Variants in CHRM3 observed in about 807,000 individuals in gnomAD.
The protein encoded by CHRM3 is muscarinic acetylcholine receptor M3.
CHRM3 carries 11 observed loss-of-function variants against 41.8 expected under a neutral mutation model. That is an observed-to-expected ratio of 0.26 (90% CI 0.17 to 0.44). The LOEUF (loss-of-function observed/expected upper bound fraction) is 0.44, where lower values mean the gene tolerates loss of function less well. Ranked by LOEUF, CHRM3 falls within the 20% of genes least tolerant of loss-of-function variation. The pLI is 1.00. For missense variants in CHRM3, 571 were observed against 745.4 expected, an observed-to-expected ratio of 0.77 and a Z score of 2.72; for synonymous variants, 297 against 301.4, an observed-to-expected ratio of 0.99 and a Z score of 0.15.
chr1:239,888,354 G>T (rs184391585), intron 6 of CHRM3, among the ~76,000 whole-genome samples: 2 of 150,420 alleles, frequency 1.3e-5, no homozygotes, highest in African/African-American at 4.9e-5. Context: ...CAGCCTGAGC[G>T]AGAGACTCTG....
At chr1:239,804,906 T>A (rs560717653) in intron 5 of CHRM3, among the ~76,000 whole-genome samples, 1 of 152,340 alleles carries the variant, frequency 6.6e-6, no homozygotes, top group East Asian at 1.9e-4. Context: ...TTCGCTTTTA[T>A]CACTTCCTGG....
intron 5 of CHRM3, among the ~76,000 whole-genome samples, chr1:239,775,641 G>T (rs1213155457): frequency 1.3e-5 from 2 of 152,200 alleles, no homozygotes; most frequent in East Asian, 3.8e-4. Context: ...ATTTTAGGCG[G>T]CCTGGTGGAA....
rs375780348 is a variant in CHRM3, at chr1:239,908,209, G to A, written c.758G>A (p.Arg253Lys). 3 of 1,614,054 alleles carry A rather than the reference G, an allele frequency of 1.9e-6. No individual in the cohort carries two copies. Among genetic ancestry groups the A allele is most frequent in the South Asian group, 1.1e-5 (1 of 91,086 alleles). Residue 253 changes from arginine (R) to lysine (K), a missense_variant, in exon 7 of 7, where the codon AGG (arginine) becomes AAG (lysine). Arg to Lys is a conservative substitution (Grantham distance 26). Transcript: ENST00000676153. This position sits in a 1 kb window ranked among gnomAD's most constrained non-coding sequence, Gnocchi z 7.2. ...ACCATTATGACTATTTTATACTGGA[G>A]GATCTATAAGGAAACTGAAAAGCGT... is the stretch of plus-strand genomic sequence containing the variant. Reference protein sequence around the residue: ...PVTIMTILYWRIYKETEKRTK... With the variant: ...PVTIMTILYWKIYKETEKRTK...
At chr1:239,864,542 A>ACACG (rs762557771) in intron 6 of CHRM3, among the ~76,000 whole-genome samples, 1 of 139,962 alleles carries the variant, frequency 7.1e-6, no homozygotes, top group Non-Finnish European at 1.5e-5. Flanking sequence ...ACACACACAC[A>ACACG]CACGCACACA....
chr1:239,574,582 T>C (rs1558331329), intron 3 of CHRM3, among the ~76,000 whole-genome samples: 1 of 152,146 alleles, frequency 6.6e-6, no homozygotes, highest in Non-Finnish European at 1.5e-5. Context: ...CATCCAGGCA[T>C]TCTTGGCATA....
intron 6 of CHRM3, among the ~76,000 whole-genome samples, chr1:239,874,326 T>TATATATATATATATACAC (rs1327295792): frequency 8.2e-6 from 1 of 121,982 alleles, no homozygotes; most frequent in African/African-American, 3.1e-5. Flanking sequence ...TATATATATA[T>TATATATATATATATACAC]ACACAGTTGA....
intron 3 of CHRM3, among the ~76,000 whole-genome samples, chr1:239,612,792 G>C (rs1373076715): frequency 1.3e-5 from 2 of 152,184 alleles, no homozygotes; most frequent in Non-Finnish European, 2.9e-5. Context: ...CAGCTGCGTA[G>C]AACTGCGTAT....
At position 239,508,419 on chromosome 1, in the gene CHRM3, G is replaced by A. The variant is rs139520332; in HGVS notation, c.-422+15612G>A. On this transcript the variant is annotated intron_variant, in intron 2 of 6. Coordinates refer to ENST00000676153, the MANE Select transcript of CHRM3 (RefSeq NM_001375978.1). ...AAAGGAATTCTTTGTGTTTTTCATTGAACTACATCACTAGATCTATTCTGG... is the reference window on the plus strand; with the variant it reads ...AAAGGAATTCTTTGTGTTTTTCATTAAACTACATCACTAGATCTATTCTGG... Among the ~76,000 whole-genome samples, 158 of 152,110 alleles carry A rather than the reference G, an allele frequency of 1.0e-3. 1 individual carries two copies. The highest frequency in any genetic ancestry group is 3.7e-3 in the African/African-American group (155 of 41,506).
intron 5 of CHRM3, chr1:239,706,922 T>G (rs146403691): frequency 6.6e-6 from 1 of 152,368 alleles, no homozygotes; most frequent in African/African-American, 2.4e-5. Flanking sequence ...AAACTGGATT[T>G]ATCATCATAA....
At chr1:239,497,504 T>A (rs979232879) in intron 2 of CHRM3, among the ~76,000 whole-genome samples, 8 of 152,212 alleles carry the variant, frequency 5.3e-5, no homozygotes, top group African/African-American at 1.9e-4. Context: ...TTGGATGAAG[T>A]AGAAGTAGAT....
intron 5 of CHRM3, among the ~76,000 whole-genome samples, chr1:239,729,058 A>G (rs1663713050): frequency 6.6e-6 from 1 of 151,894 alleles, no homozygotes; most frequent in Admixed American, 6.6e-5. Context: ...CTGTGTTGAC[A>G]TTTGCATTGC....
chr1:239,806,417 T>TGCAC (rs1553272109), intron 5 of CHRM3, among the ~76,000 whole-genome samples: 5 of 146,030 alleles, frequency 3.4e-5, no homozygotes, highest in Non-Finnish European at 3.0e-5. Flanking sequence ...AGGATGGAGT[T>TGCAC]ACACACACAC....
rs557678290 is a variant in CHRM3, at chr1:239,739,013, A to G, written c.-147+60725A>G. On this transcript the variant is annotated intron_variant, in intron 5 of 6. Coordinates refer to ENST00000676153, the MANE Select transcript of CHRM3 (RefSeq NM_001375978.1). The stretch of plus-strand genomic sequence containing the variant: ...ACATCGTCCCTACCTGTTTCCATAG[A>G]TTTCAATCGTTTTGTTAATGCTCAC... 5.9e-5 allele frequency among the ~76,000 whole-genome samples: 9 copies of G among 152,180 alleles called. No homozygotes were observed. The South Asian group carries it at 1.9e-3, about 32-fold the overall frequency.
chr1:239,410,590 T>G (rs1164745327), intron 1 of CHRM3, among the ~76,000 whole-genome samples: 1 of 152,158 alleles, frequency 6.6e-6, no homozygotes, highest in Non-Finnish European at 1.5e-5. Context: ...AGCAGTGATC[T>G]CACGGTCTGT....
intron 6 of CHRM3, among the ~76,000 whole-genome samples, chr1:239,830,592 T>C (rs539057086): frequency 4.6e-5 from 7 of 152,270 alleles, no homozygotes; most frequent in African/African-American, 1.7e-4. Context: ...TAGTCCCAGC[T>C]ACTTGGGAGG....
chr1:239,519,398 T>G (rs1669478009), intron 2 of CHRM3, among the ~76,000 whole-genome samples: 1 of 152,224 alleles, frequency 6.6e-6, no homozygotes, highest in Non-Finnish European at 1.5e-5. Flanking sequence ...TAGCCTCTTC[T>G]GTATGTTTGA....
At chr1:239,402,520 C>G (rs1660066457) in intron 1 of CHRM3, among the ~76,000 whole-genome samples, 1 of 152,146 alleles carries the variant, frequency 6.6e-6, no homozygotes, top group South Asian at 2.1e-4. Flanking sequence ...ATTCCATCTC[C>G]CTTTCCCCGC....
At chr1:239,491,656 A>T (rs1016770122) in intron 1 of CHRM3, among the ~76,000 whole-genome samples, 1 of 152,208 alleles carries the variant, frequency 6.6e-6, no homozygotes, top group Non-Finnish European at 1.5e-5. Flanking sequence ...AGGAGGGCAG[A>T]TGTCTCTCGG....
At chr1:239,595,248 G>A (rs948421030) in intron 3 of CHRM3, among the ~76,000 whole-genome samples, 4 of 152,156 alleles carry the variant, frequency 2.6e-5, no homozygotes, top group African/African-American at 9.7e-5. Context: ...AAGTAAACAG[G>A]AAGATGTGCA....
Sources: allele counts gnomAD v4.1 joint callset (sites outside exome capture counted in the v4.1 genomes callset), GRCh38; gene constraint gnomAD v4.1.1; non-coding constraint Gnocchi (gnomAD v3.1); transcripts MANE v1.5; gene names NCBI Gene and HGNC (gene_info 2026-07-23, HGNC 2026-07-21).